Variants in PALM2AKAP2 observed in about 807,000 individuals in gnomAD.
PALM2AKAP2 encodes PALM2 and AKAP2 fusion.
PALM2AKAP2 carries 37 observed loss-of-function variants against 71.5 expected under a neutral mutation model. The observed-to-expected ratio is 0.52, with a 90% confidence interval of 0.40 to 0.68. The LOEUF is 0.68. PALM2AKAP2 is among the 30% of genes least tolerant of loss of function. The probability of loss-of-function intolerance (pLI) is 0.00; values close to 1 mark genes in which losing one functional copy is unlikely to be tolerated. For missense variants in PALM2AKAP2, 1,224 were observed against 1,191.8 expected, an observed-to-expected ratio of 1.03 and a Z score of -0.40; for synonymous variants, 468 against 478.8, an observed-to-expected ratio of 0.98 and a Z score of 0.29.
intron 6 of PALM2AKAP2, among the ~76,000 whole-genome samples, chr9:109,951,798 A>G (rs573790183): frequency 1.4e-3 from 210 of 152,136 alleles, no homozygotes; most frequent in Middle Eastern, 6.8e-3. Flanking sequence ...CTCATGGCCC[A>G]CCTGTTGTAG....
rs1435324316 is a variant in PALM2AKAP2, at chr9:109,673,920, C to T, written c.5+33054C>T. On this transcript the variant is annotated intron_variant, in intron 1 of 6. Coordinates refer to the PALM2AKAP2 transcript ENST00000374531. Reference sequence around the variant, plus strand: ...TTTTGTCAGGAACTAGGATTGCAACCCCTGCTTTTTTCTGTTTTTCATTCA... The same window carrying T: ...TTTTGTCAGGAACTAGGATTGCAACTCCTGCTTTTTTCTGTTTTTCATTCA... 2.0e-5 allele frequency among the ~76,000 whole-genome samples: 3 copies of T among 152,028 alleles called. No individual in the cohort carries two copies. The East Asian group carries it at 5.8e-4, about 29-fold the overall frequency.
chr9:110,031,960 A>T (rs1266955016), intron 7 of PALM2AKAP2, among the ~76,000 whole-genome samples: 3 of 151,816 alleles, frequency 2.0e-5, no homozygotes, highest in Non-Finnish European at 4.4e-5. Context: ...TCCTGTCAGC[A>T]TTCTGATTAC....
Position 109,942,183 on chromosome 9 carries a change from A to G in PALM2AKAP2, c.496+10155A>G, listed in dbSNP as rs1423869822. On this transcript the variant is annotated intron_variant, in intron 6 of 9. Transcript: ENST00000302798. ...TCAATTGTTGAAAATATTCTGTTGT[A>G]TAGTACAGTGGAGGATAGCCATGAC... is the stretch of plus-strand genomic sequence containing the variant. Among the ~76,000 whole-genome samples, 5 of 152,362 alleles carry G rather than the reference A, an allele frequency of 3.3e-5. No individual in the cohort carries two copies. The East Asian group carries it at 9.6e-4, about 29-fold the overall frequency.
intron 3 of PALM2AKAP2, among the ~76,000 whole-genome samples, chr9:109,894,644 G>A (rs1306300016): frequency 6.6e-6 from 1 of 152,232 alleles, no homozygotes; most frequent in Non-Finnish European, 1.5e-5. Flanking sequence ...TGAGCTGCAT[G>A]TGTCGTGGGC....
At chr9:109,912,748 G>C (rs1364574361) in intron 3 of PALM2AKAP2, among the ~76,000 whole-genome samples, 1 of 152,188 alleles carries the variant, frequency 6.6e-6, no homozygotes, top group Non-Finnish European at 1.5e-5. Context: ...AGATAAGATA[G>C]ATAGATCGAT....
At chr9:110,170,295 C>T (rs1318381058) in exon 4 of PALM2AKAP2, 1 of 152,598 alleles carries the variant, frequency 6.6e-6, no homozygotes, top group Non-Finnish European at 1.5e-5. Flanking sequence ...TCAGACCTCA[C>T]TAAAAATCAT....
At chr9:109,770,911 T>A (rs1829250736) in intron 1 of PALM2AKAP2, among the ~76,000 whole-genome samples, 1 of 152,266 alleles carries the variant, frequency 6.6e-6, no homozygotes, top group Non-Finnish European at 1.5e-5. Context: ...AATAATCTTA[T>A]GAAATGAATA....
Position 109,865,288 on chromosome 9 carries a change from G to A in PALM2AKAP2, c.46-2203G>A, listed in dbSNP as rs892719642. Among the ~76,000 whole-genome samples, 5 of 151,790 alleles carry A rather than the reference G, an allele frequency of 3.3e-5. No individual in the cohort carries two copies. The East Asian group carries it at 9.7e-4, about 29-fold the overall frequency. On this transcript the variant is annotated intron_variant, in intron 1 of 9. Coordinates refer to the PALM2AKAP2 transcript ENST00000302798. The stretch of plus-strand genomic sequence containing the variant: ...CAATTTTTATATTTTTAGTATAGAT[G>A]GGGTTTCGCCATGTTGGCTAGGCTA...
At chr9:110,033,272 CT>C (rs1486201025) in intron 7 of PALM2AKAP2, among the ~76,000 whole-genome samples, 1 of 152,190 alleles carries the variant, frequency 6.6e-6, no homozygotes, top group African/African-American at 2.4e-5. Context: ...CACAGCAAAT[CT>C]TTTTCTCTTT....
chr9:109,857,928 T>A (rs1829210881), intron 1 of PALM2AKAP2, among the ~76,000 whole-genome samples: 1 of 152,236 alleles, frequency 6.6e-6, no homozygotes, highest in Non-Finnish European at 1.5e-5. Context: ...ATCATTGGGA[T>A]TATTAGGTTC....
intron 6 of PALM2AKAP2, among the ~76,000 whole-genome samples, chr9:109,984,532 GTTAAA>G (rs1357080227): frequency 4.6e-5 from 7 of 151,442 alleles, no homozygotes; most frequent in African/African-American, 1.2e-4. Context: ...AAAAAAAAAA[GTTAAA>G]TTAAAATAGA....
intron 1 of PALM2AKAP2, among the ~76,000 whole-genome samples, chr9:109,858,860 A>T (rs2131658130): frequency 6.6e-6 from 1 of 152,294 alleles, no homozygotes; most frequent in African/African-American, 2.4e-5. Context: ...CTAGCAAAGA[A>T]TTTGATGTTA....
intron 6 of PALM2AKAP2, chr9:109,946,641 C>T (rs953110043): frequency 2.2e-4 from 30 of 134,906 alleles, no homozygotes; most frequent in Admixed American, 1.4e-3. Flanking sequence ...TGCAATGAGC[C>T]GAGATGTGCA....
chr9:109,678,954 C>A (rs1827687529), intron 1 of PALM2AKAP2, among the ~76,000 whole-genome samples: 1 of 152,012 alleles, frequency 6.6e-6, no homozygotes, highest in Non-Finnish European at 1.5e-5. Flanking sequence ...CTGGAAAATG[C>A]AATAGGGCAA....
At chr9:110,168,370 C>T (rs1193279017) in intron 3 of PALM2AKAP2, 29 bp from the exon 11 acceptor site, 1 of 1,609,800 alleles carries the variant, frequency 6.2e-7, no homozygotes, top group Non-Finnish European at 8.5e-7. Context: ...TCCATGAACT[C>T]TGCATAATTT....
At position 110,014,093 on chromosome 9, in the gene PALM2AKAP2, A is replaced by G. The variant is rs553730919; in HGVS notation, c.497-1861A>G. Among the ~76,000 whole-genome samples the G allele has an allele frequency of 7.9e-5, 12 of 152,334 alleles. No homozygotes were observed. The South Asian group carries it at 2.5e-3, about 32-fold the overall frequency. ...GAACTCAAAGCCTAAAATATTTACTATGTGACGAGCAGAAGAAAGATGGCC... is the reference window on the plus strand; with the variant it reads ...GAACTCAAAGCCTAAAATATTTACTGTGTGACGAGCAGAAGAAAGATGGCC... On this transcript the variant is annotated intron_variant, in intron 6 of 9. Coordinates refer to the PALM2AKAP2 transcript ENST00000302798.
intron 1 of PALM2AKAP2, among the ~76,000 whole-genome samples, chr9:109,714,403 C>G (rs1828287020): frequency 6.6e-6 from 1 of 152,188 alleles, no homozygotes; most frequent in East Asian, 1.9e-4. Context: ...ACTCTGATTG[C>G]CTCTTGGATG....
At chr9:109,790,134 G>A (rs994643787) in intron 1 of PALM2AKAP2, among the ~76,000 whole-genome samples, 1 of 152,184 alleles carries the variant, frequency 6.6e-6, no homozygotes, top group Non-Finnish European at 1.5e-5. Context: ...AGCTGTAGAT[G>A]AAAAAGCTGT....
intron 1 of PALM2AKAP2, among the ~76,000 whole-genome samples, chr9:109,731,280 A>G (rs1040417947): frequency 1.3e-5 from 2 of 152,168 alleles, no homozygotes; most frequent in African/African-American, 2.4e-5. Flanking sequence ...GAATTAACCA[A>G]CTTATACTGG....
Sources: gnomAD v4.1 joint callset for allele counts (sites outside exome capture counted in the v4.1 genomes callset) on GRCh38, gnomAD v4.1.1 for gene constraint, MANE v1.5 for transcripts, NCBI Gene and HGNC (gene_info 2026-07-23, HGNC 2026-07-21) for gene names.